ATF2: variants seen among roughly 807,000 people sequenced by gnomAD.
ATF2 encodes cyclic AMP-dependent transcription factor ATF-2.
In ATF2, 24 loss-of-function variants were observed where a neutral mutation model predicts 60.6. The observed-to-expected ratio is 0.40, with a 90% CI of 0.29 to 0.56. ATF2 has a LOEUF of 0.56. ATF2 is among the 20% of genes least tolerant of loss of function. The probability of loss-of-function intolerance (pLI) is 0.54; values close to 1 mark genes in which losing one functional copy is unlikely to be tolerated. For missense variants in ATF2, 433 were observed against 607.7 expected, an observed-to-expected ratio of 0.71 and a Z score of 3.02; for synonymous variants, 206 against 215.4, an observed-to-expected ratio of 0.96 and a Z score of 0.38.
At chr2:175,142,108 G>C (rs1698584882) in intron 2 of ATF2, among the ~76,000 whole-genome samples, 1 of 151,728 alleles carries the variant, frequency 6.6e-6, no homozygotes, top group Non-Finnish European at 1.5e-5. Context: ...CCTATGAACT[G>C]AGAACACTTG....
chr2:175,166,213 C>T lies in ATF2; in HGVS notation c.-143+1837G>A, dbSNP rs116505869. Among the ~76,000 whole-genome samples, 537 of 152,320 alleles carry T rather than the reference C, an allele frequency of 3.5e-3. 4 individuals carry two copies. The highest frequency in any genetic ancestry group is 0.01 in the Middle Eastern group (3 of 294). On this transcript the variant is annotated intron_variant, in intron 1 of 13. Coordinates refer to ENST00000264110, the MANE Select transcript of ATF2 (RefSeq NM_001880.4). The stretch of plus-strand genomic sequence containing the variant: ...AATTAAAATACATAACAACTAAGTT[C>T]TAAATTTCCACGATATTACATTTTA...
At chr2:175,081,793 G>C (rs1693775035) in intron 12 of ATF2, among the ~76,000 whole-genome samples, 1 of 152,210 alleles carries the variant, frequency 6.6e-6, no homozygotes, top group Non-Finnish European at 1.5e-5. Flanking sequence ...GCTCACGCCT[G>C]TGATCCCAGC....
At chr2:175,113,803 T>G (rs1229606838) in intron 9 of ATF2, among the ~76,000 whole-genome samples, 191 bp downstream of exon 9, 1 of 151,684 alleles carries the variant, frequency 6.6e-6, no homozygotes. Flanking sequence ...AATTAAGGTT[T>G]TGGGGAGAAG....
At chr2:175,118,528 T>G (rs1481664510) in intron 5 of ATF2, among the ~76,000 whole-genome samples, 159 bp from the exon 6 acceptor site, 2 of 151,748 alleles carry the variant, frequency 1.3e-5, no homozygotes, top group Non-Finnish European at 3.0e-5. Context: ...TTGGTTAAAT[T>G]TTTGTTGTAC....
At chr2:175,084,685 A>G (rs1297717959) in intron 12 of ATF2, among the ~76,000 whole-genome samples, 17 of 152,146 alleles carry the variant, frequency 1.1e-4, no homozygotes, top group Admixed American at 1.0e-3. Flanking sequence ...GCATAGGAAA[A>G]TAAGTTAGGT....
Position 175,150,674 on chromosome 2 carries a change from T to C in ATF2, c.-44+386A>G, listed in dbSNP as rs752904416. ...TACGGCCCTAGAGTGGGTAAACTTT[T>C]TGCCCAAAATATTTTTGAAAGACAG... On this transcript the variant is annotated intron_variant, in intron 2 of 13. Transcript: ENST00000264110. 2.0e-4 allele frequency among the ~76,000 whole-genome samples: 30 copies of C among 152,172 alleles called. 1 individual carries two copies. The highest frequency in any genetic ancestry group is 8.5e-4 in the Admixed American group (13 of 15,276).
intron 1 of ATF2, among the ~76,000 whole-genome samples, chr2:175,153,022 C>G (rs1435828084): frequency 6.6e-6 from 1 of 152,054 alleles, no homozygotes; most frequent in Non-Finnish European, 1.5e-5. Context: ...CACAAAAGAC[C>G]AGGTACAAAA....
At chr2:175,144,081 A>G (rs1362599060) in intron 2 of ATF2, among the ~76,000 whole-genome samples, 1 of 152,152 alleles carries the variant, frequency 6.6e-6, no homozygotes, top group African/African-American at 2.4e-5. Flanking sequence ...GGCATGAGGC[A>G]CTGCACCTGA....
chr2:175,148,071 T>C (rs1699072089), intron 2 of ATF2: 1 of 121,280 alleles, frequency 8.2e-6, no homozygotes, highest in Non-Finnish European at 2.0e-5. Context: ...GTCATGTTCT[T>C]ACTGATAAAA....
chr2:175,151,475 A>G (rs1373331100), intron 1 of ATF2, among the ~76,000 whole-genome samples: 1 of 152,160 alleles, frequency 6.6e-6, no homozygotes, highest in Non-Finnish European at 1.5e-5. Flanking sequence ...GAAAAATGAA[A>G]GAGGAGGAGT....
chr2:175,091,883 T>C (rs1694576920), intron 12 of ATF2, among the ~76,000 whole-genome samples: 1 of 152,064 alleles, frequency 6.6e-6, no homozygotes, highest in Admixed American at 6.6e-5. Flanking sequence ...AAACAATTTA[T>C]CAGATGATAA....
chr2:175,160,252 G>A lies in ATF2; in HGVS notation c.-143+7798C>T, dbSNP rs182397013. 2.3e-3 allele frequency among the ~76,000 whole-genome samples: 353 copies of A among 152,282 alleles called. 2 individuals carry two copies. Among genetic ancestry groups the A allele is most frequent in the Middle Eastern group, 0.02 (6 of 294 alleles). On this transcript the variant is annotated intron_variant, in intron 1 of 13. Transcript: ENST00000264110. The stretch of plus-strand genomic sequence containing the variant: ...ATTAAAAAATTAGCTGGGTATAGTA[G>A]CACATGCCTGTAGTCCCAGCTACTC...
intron 10 of ATF2, among the ~76,000 whole-genome samples, chr2:175,098,982 C>A (rs1695128782): frequency 6.6e-6 from 1 of 151,934 alleles, no homozygotes; most frequent in African/African-American, 2.4e-5. Context: ...TTGTGAATCA[C>A]CGTATATTCT....
At chr2:175,162,182 AAGAC>A (rs1208387031) in intron 1 of ATF2, among the ~76,000 whole-genome samples, 1 of 152,264 alleles carries the variant, frequency 6.6e-6, no homozygotes, top group African/African-American at 2.4e-5. Context: ...AAAAGAAACA[AAGAC>A]AGTAAAATGT....
chr2:175,119,813 C>T (rs1264594450), intron 5 of ATF2, among the ~76,000 whole-genome samples: 1 of 151,566 alleles, frequency 6.6e-6, no homozygotes, highest in East Asian at 1.9e-4. Context: ...AGGCTCTTAA[C>T]TTACATTAAA....
intron 4 of ATF2, among the ~76,000 whole-genome samples, chr2:175,129,031 TAA>T (rs1454371332): frequency 1.3e-5 from 2 of 152,070 alleles, no homozygotes; most frequent in Non-Finnish European, 2.9e-5. Flanking sequence ...CATGTGTCCA[TAA>T]AAAGACTTGT....
chr2:175,106,197 G>A (rs570606363), intron 10 of ATF2, among the ~76,000 whole-genome samples: 37 of 152,064 alleles, frequency 2.4e-4, no homozygotes, highest in Non-Finnish European at 4.1e-4. Flanking sequence ...AGAAATATAC[G>A]TACCTCTCTC....
At chr2:175,110,952 A>C (rs563574458) in intron 10 of ATF2, among the ~76,000 whole-genome samples, 1 of 152,316 alleles carries the variant, frequency 6.6e-6, no homozygotes, top group African/African-American at 2.4e-5. Flanking sequence ...TACTAAGAAA[A>C]TTAGAACGTT....
intron 12 of ATF2, among the ~76,000 whole-genome samples, chr2:175,090,957 TA>T (rs1363474912): frequency 6.6e-6 from 1 of 152,108 alleles, no homozygotes. Flanking sequence ...TCTGCAATAA[TA>T]AAGGGCTAAT....
Sources: gnomAD v4.1 joint callset for allele counts (sites outside exome capture counted in the v4.1 genomes callset) on GRCh38, gnomAD v4.1.1 for gene constraint, MANE v1.5 for transcripts, NCBI Gene and HGNC (gene_info 2026-07-23, HGNC 2026-07-21) for gene names.